Variants in SNRNP27 observed in about 807,000 individuals in gnomAD.
SNRNP27 encodes U4/U6.U5 small nuclear ribonucleoprotein 27 kDa protein.
SNRNP27 carries 22 observed loss-of-function variants against 25.1 expected under a neutral mutation model. The ratio of observed to expected loss-of-function variants is 0.88; its 90% confidence interval spans 0.63 to 1.25. The LOEUF (loss-of-function observed/expected upper bound fraction) is 1.25, where lower values mean the gene tolerates loss of function less well. Ranked by LOEUF, SNRNP27 falls within the 50% of genes most tolerant of loss-of-function variation. SNRNP27 has a pLI of 0.00. For missense variants in SNRNP27, 150 were observed against 202.3 expected (o/e 0.74, Z 1.57); for synonymous variants, 66 against 64.9 (o/e 1.02, Z -0.08).
intron 4 of SNRNP27, among the ~76,000 whole-genome samples, chr2:69,899,019 T>C (rs1281238315): frequency 6.6e-6 from 1 of 152,218 alleles, no homozygotes; most frequent in Admixed American, 6.5e-5. Flanking sequence ...AATGGAATTA[T>C]TTTCTTTGTT....
intron 4 of SNRNP27, 100 bp downstream of exon 4, chr2:69,897,556 A>G: frequency 3.2e-6 from 3 of 946,144 alleles, no homozygotes; most frequent in Non-Finnish European, 3.3e-6. Context: ...TGGTTATAAG[A>G]CAATAACTAT....
intron 3 of SNRNP27, 23 bp downstream of exon 3, chr2:69,896,571 T>A (rs1270037369): frequency 1.3e-6 from 2 of 1,573,210 alleles, no homozygotes; most frequent in Admixed American, 3.5e-5. Flanking sequence ...GATAAATAAC[T>A]GTAGGAAAAG....
chr2:69,902,305 C>A (rs1452619100), intron 4 of SNRNP27, among the ~76,000 whole-genome samples: 1 of 151,334 alleles, frequency 6.6e-6, no homozygotes, highest in Non-Finnish European at 1.5e-5. Flanking sequence ...CCTCCTTCTT[C>A]CTCCTCCTCC....
In SNRNP27 at chr2:69,896,527, A is replaced by G; in HGVS notation, c.247A>G (p.Ser83Gly). ...AAAGAAAGAAACAAAAGAAACAAAG[A>G]GCAAAGAACGGCAGATTACTGGTAA... is the stretch of plus-strand genomic sequence containing the variant. ...EEKKETKETK[S>G]KERQITEEDL... The change falls in exon 3 of 6, where the codon AGC becomes GGC. Residue 83 changes from serine (S) to glycine (G), a missense_variant. This residue lies in a region of SNRNP27 where 142 missense variants were observed against 168.6 expected (regional missense o/e 0.84). Transcript: ENST00000244227. 1 of 1,607,008 alleles carries G rather than the reference A, an allele frequency of 6.2e-7. No individual in the cohort carries two copies. Among genetic ancestry groups the G allele is most frequent in the Non-Finnish European group, 8.5e-7 (1 of 1,175,868 alleles).
chr2:69,896,178 G>A (rs1346073657), intron 2 of SNRNP27, among the ~76,000 whole-genome samples: 1 of 152,124 alleles, frequency 6.6e-6, no homozygotes, highest in East Asian at 1.9e-4. Flanking sequence ...GTGGTTGTTA[G>A]AAACTTTTAA....
At chr2:69,899,499 G>A (rs1010843453) in intron 4 of SNRNP27, among the ~76,000 whole-genome samples, 9 of 151,870 alleles carry the variant, frequency 5.9e-5, no homozygotes, top group Non-Finnish European at 1.0e-4. Context: ...GCGCAATCTC[G>A]GCTCACTGCT....
Position 69,895,193 on chromosome 2 carries a change from C to T in SNRNP27, c.134C>T (p.Ser45Phe). The T allele has an allele frequency of 1.2e-6, 2 of 1,614,102 alleles. No homozygotes were observed. The highest frequency in any genetic ancestry group is 1.7e-6 in the Non-Finnish European group (2 of 1,180,004). Residue 45 changes from serine to phenylalanine, a missense_variant, in exon 2 of 6, where the codon TCC (serine) becomes TTC (phenylalanine). By Grantham distance (155) the Ser-to-Phe change is radical. Coordinates refer to ENST00000244227, the MANE Select transcript of SNRNP27 (RefSeq NM_006857.3). Reference sequence around the variant, plus strand: ...GATCGGAGAAGGAGCCGCTCGCGATCCCCGCACCGAAGACGCTCCCGGTAA... The same window carrying T: ...GATCGGAGAAGGAGCCGCTCGCGATTCCCGCACCGAAGACGCTCCCGGTAA... ...ERDRRRSRSR[S>F]PHRRRSRSPR... is the part of the protein sequence containing the mutation.
Position 69,897,405 on chromosome 2 carries a change from A to AG in SNRNP27, c.298dup (p.Glu100GlyfsTer14). 6.2e-7 allele frequency: 1 copy of AG among 1,613,480 alleles called. No individual in the cohort carries two copies. Among genetic ancestry groups the AG allele is most frequent in the African/African-American group, 1.3e-5 (1 of 75,046 alleles). ...AAGACTTAGAGGGCAAAACAGAGGA[A>AG]GAAATAGAAATGATGAAGTTAATGG... is the stretch of plus-strand genomic sequence containing the variant. On this transcript the variant is annotated frameshift_variant, in exon 4 of 6. Transcript: ENST00000244227. LOFTEE classifies it high-confidence loss of function.
chr2:69,901,508 G>A (rs1676697773), intron 4 of SNRNP27, among the ~76,000 whole-genome samples: 1 of 152,136 alleles, frequency 6.6e-6, no homozygotes, highest in Non-Finnish European at 1.5e-5. Flanking sequence ...ATTCTGTTCT[G>A]ATTCTTGATT....
intron 4 of SNRNP27, among the ~76,000 whole-genome samples, chr2:69,899,073 A>G (rs886601504): frequency 6.6e-6 from 1 of 152,196 alleles, no homozygotes; most frequent in Non-Finnish European, 1.5e-5. Flanking sequence ...AAGTTCCTGA[A>G]AGTCAGATCT....
rs758933979 is a variant in SNRNP27, at chr2:69,896,506, A to C, written c.226A>C (p.Lys76Gln). The change falls in exon 3 of 6, where the codon AAA becomes CAA. Residue 76 changes from lysine (K) to glutamine (Q), a missense_variant. By Grantham distance (53) the Lys-to-Gln change is moderately conservative. Coordinates refer to ENST00000244227, the MANE Select transcript of SNRNP27 (RefSeq NM_006857.3). ...GAAAGAAAGAAGAGATGAGGAAAAG[A>C]AAGAAACAAAAGAAACAAAGAGCAA... ...RLKERRDEEK[K>Q]ETKETKSKER... 4 of 1,606,732 alleles carry C rather than the reference A, an allele frequency of 2.5e-6. No homozygotes were observed. The East Asian group carries it at 8.9e-5, about 36-fold the overall frequency.
intron 1 of SNRNP27, 91 bp downstream of exon 1, chr2:69,894,109 C>A: frequency 8.2e-7 from 1 of 1,222,744 alleles, no homozygotes; most frequent in Non-Finnish European, 1.2e-6. Context: ...AGCCGCGTAG[C>A]AGAGAGGCGG....
intron 4 of SNRNP27, among the ~76,000 whole-genome samples, chr2:69,898,566 A>G (rs1676640047): frequency 6.6e-6 from 1 of 152,214 alleles, no homozygotes; most frequent in Admixed American, 6.5e-5. Flanking sequence ...AAAGTTGTCA[A>G]AAATAATCCA....
intron 1 of SNRNP27, among the ~76,000 whole-genome samples, chr2:69,894,228 T>C (rs1676561363): frequency 6.6e-6 from 1 of 152,204 alleles, no homozygotes; most frequent in Non-Finnish European, 1.5e-5. Context: ...GTCTCTGAAT[T>C]AGTTTCATTA....
Position 69,898,148 on chromosome 2 carries a change from T to C in SNRNP27, c.348+692T>C, listed in dbSNP as rs1202367204. ...TAGTAATGCCTCTCAGGTGTCAGGC[T>C]GGGACCCTGAGTGATACAGTTAACC... On this transcript the variant is annotated intron_variant, in intron 4 of 5. Transcript: ENST00000244227. Among the ~76,000 whole-genome samples, 10 of 98,760 alleles carry C rather than the reference T, an allele frequency of 1.0e-4. 5 individuals carry two copies. Among genetic ancestry groups the C allele is most frequent in the Non-Finnish European group, 1.9e-4 (10 of 53,570 alleles). The allele number at this position is 98,760 out of a possible 152,430, so 64.8% of individuals were successfully genotyped here.
intron 2 of SNRNP27, 40 bp from the exon 3 acceptor site, chr2:69,896,396 A>C: frequency 6.3e-7 from 1 of 1,590,422 alleles, no homozygotes; most frequent in Admixed American, 1.7e-5. Context: ...CAAAGTTGAT[A>C]TGTCTGTCTG....
At chr2:69,895,674 T>C (rs979506740) in intron 2 of SNRNP27, among the ~76,000 whole-genome samples, 2 of 152,182 alleles carry the variant, frequency 1.3e-5, no homozygotes, top group Non-Finnish European at 2.9e-5. Context: ...ATTCTGCTGC[T>C]GAGCCTCCCA....
intron 4 of SNRNP27, among the ~76,000 whole-genome samples, chr2:69,901,384 G>T (rs1375184974): frequency 1.3e-5 from 2 of 152,178 alleles, no homozygotes; most frequent in Non-Finnish European, 2.9e-5. Context: ...GGTATGTTGA[G>T]TTGACTTGGC....
intron 4 of SNRNP27, among the ~76,000 whole-genome samples, chr2:69,899,417 G>A (rs1676656166): frequency 6.6e-6 from 1 of 151,698 alleles, no homozygotes; most frequent in African/African-American, 2.4e-5. Context: ...TTTTTTATTT[G>A]TATTATTTTT....
Sources: allele counts gnomAD v4.1 joint callset (sites outside exome capture counted in the v4.1 genomes callset), GRCh38; gene constraint gnomAD v4.1.1; regional missense constraint gnomAD v4.1.1; transcripts MANE v1.5; gene names NCBI Gene and HGNC (gene_info 2026-07-23, HGNC 2026-07-21).